PTPA: variants seen among roughly 807,000 people sequenced by gnomAD.
The protein encoded by PTPA is serine/threonine-protein phosphatase 2A activator.
In PTPA, 13 loss-of-function variants were observed where a neutral mutation model predicts 43.6. The observed-to-expected ratio is 0.30, with a 90% CI of 0.19 to 0.47. PTPA has a LOEUF of 0.47. Ranked by LOEUF, PTPA falls within the 20% of genes least tolerant of loss-of-function variation. PTPA has a pLI of 0.99. For synonymous variants in PTPA, 172 were observed against 158.2 expected, an observed-to-expected ratio of 1.09 and a Z score of -0.66; for missense variants, 329 against 411.9, an observed-to-expected ratio of 0.80 and a Z score of 1.74.
In PTPA at chr9:129,137,507, C is replaced by G. The variant is rs899475674; in HGVS notation, c.686-85C>G. 8 of 1,102,262 alleles carry G rather than the reference C, an allele frequency of 7.3e-6. No homozygotes were observed. The African/African-American group carries it at 9.3e-5, about 13-fold the overall frequency. The allele number at this position is 1,102,262 out of a possible 1,614,324, so 68.3% of individuals were successfully genotyped here. On this transcript the variant is annotated intron_variant, in intron 7 of 9. Coordinates refer to ENST00000393370, the MANE Select transcript of PTPA (RefSeq NM_178000.3). The stretch of plus-strand genomic sequence containing the variant: ...GGGCACCACGGGCAGGACTGAGGCC[C>G]CTGGGGGGGTGTGACTGCTGGGCCG...
chr9:129,111,576 C>G lies in PTPA; in HGVS notation c.-25C>G. On this transcript the variant is annotated 5_prime_UTR_variant, in exon 1 of 10. Transcript: ENST00000393370. Reference sequence around the variant, plus strand: ...AAGGCGAGAGGGGACTGCAAGCATCCGGGTCGGCTCCTGGCCGGAGCAAGA... The same window carrying G: ...AAGGCGAGAGGGGACTGCAAGCATCGGGGTCGGCTCCTGGCCGGAGCAAGA... The G allele has an allele frequency of 7.8e-7, 1 of 1,288,404 alleles. No individual in the cohort carries two copies. Among genetic ancestry groups the G allele is most frequent in the Non-Finnish European group, 9.9e-7 (1 of 1,009,486 alleles). The allele number at this position is 1,288,404 out of a possible 1,614,324, so 79.8% of individuals were successfully genotyped here. A position where few individuals can be genotyped will look rare whatever the true frequency, so the allele number is the denominator to read the frequency against.
intron 8 of PTPA, among the ~76,000 whole-genome samples, chr9:129,138,422 A>G (rs1850527175): frequency 6.6e-6 from 1 of 152,158 alleles, no homozygotes; most frequent in Non-Finnish European, 1.5e-5. Flanking sequence ...ACCTGCATCT[A>G]AACACACGTG....
At chr9:129,130,835 G>A (rs536381775) in intron 4 of PTPA, among the ~76,000 whole-genome samples, 12 of 152,130 alleles carry the variant, frequency 7.9e-5, no homozygotes, top group Non-Finnish European at 1.8e-4. Flanking sequence ...CATTCTAGCT[G>A]GAGTGCTCCC....
At chr9:129,137,895 C>T in intron 8 of PTPA, 4 of 609,990 alleles carry the variant, frequency 6.6e-6, no homozygotes, top group Non-Finnish European at 6.1e-6. Context: ...GCCCAGTTCT[C>T]CTTCAGTTTC....
intron 9 of PTPA, chr9:129,143,448 T>C (rs1851048612): frequency 1.4e-6 from 1 of 702,878 alleles, no homozygotes; most frequent in Non-Finnish European, 2.6e-6. Flanking sequence ...TGGCCGGCCT[T>C]CTCTTCTGGG....
At chr9:129,111,307 CGTTGGCGCGCATGCGCCCCGCGCGCCCCG>C, upstream of PTPA, 1 of 1,140,520 alleles carries the variant, frequency 8.8e-7, no homozygotes, top group Non-Finnish European at 1.1e-6. Flanking sequence ...GCTTGGCGGC[CGTTGGCGCGCATGCGCCCCGCGCGCCCCG>C]CACTGACATG....
chr9:129,116,287 C>G (rs1411274807), intron 1 of PTPA, among the ~76,000 whole-genome samples: 1 of 151,836 alleles, frequency 6.6e-6, no homozygotes, highest in African/African-American at 2.4e-5. Flanking sequence ...TGGGTTCACG[C>G]CATTCTCTCA....
At chr9:129,120,809 A>T (rs1196816657) in intron 2 of PTPA, among the ~76,000 whole-genome samples, 199 bp downstream of exon 2, 1 of 152,166 alleles carries the variant, frequency 6.6e-6, no homozygotes, top group Non-Finnish European at 1.5e-5. Flanking sequence ...AAGGTTGCCT[A>T]CTTTTTCAGG....
chr9:129,127,377 G>A (rs1258087318), intron 3 of PTPA, among the ~76,000 whole-genome samples: 2 of 152,160 alleles, frequency 1.3e-5, no homozygotes, highest in Non-Finnish European at 2.9e-5. Context: ...CCTCCCAGGC[G>A]CAACTTCTCA....
At chr9:129,121,370 C>T (rs745772314) in intron 2 of PTPA, among the ~76,000 whole-genome samples, 1 of 152,184 alleles carries the variant, frequency 6.6e-6, no homozygotes, top group Non-Finnish European at 1.5e-5. Context: ...GGCTTGGGGC[C>T]ATCTAAACCT....
At position 129,147,712 on chromosome 9, in the gene PTPA, G is replaced by T. The variant is rs1851393827; in HGVS notation, c.*248G>T. 4.0e-6 allele frequency: 2 copies of T among 498,440 alleles called. No individual in the cohort carries two copies. The highest frequency in any genetic ancestry group is 2.0e-5 in the African/African-American group (1 of 51,240). The allele number at this position is 498,440 out of a possible 1,614,324, so 30.9% of individuals were successfully genotyped here. ...TGTGCTAGACTGGCCAGAAGAGAGG[G>T]TCTGGGGCCTGGTCACTCGGCCACT... On this transcript the variant is annotated 3_prime_UTR_variant, in exon 10 of 10. Transcript: ENST00000393370.
chr9:129,117,974 C>T (rs568072643), intron 1 of PTPA, among the ~76,000 whole-genome samples: 72 of 152,144 alleles, frequency 4.7e-4, no homozygotes, highest in African/African-American at 1.6e-3. Context: ...TCTGGGATTA[C>T]AGGTGTGAGT....
chr9:129,112,827 A>G (rs1848629278), intron 1 of PTPA, among the ~76,000 whole-genome samples: 1 of 152,094 alleles, frequency 6.6e-6, no homozygotes. Context: ...CGTAATCCCA[A>G]CTACTAGGGA....
At chr9:129,113,144 A>G (rs981416289) in intron 1 of PTPA, among the ~76,000 whole-genome samples, 1 of 151,376 alleles carries the variant, frequency 6.6e-6, no homozygotes, top group Non-Finnish European at 1.5e-5. Flanking sequence ...CCCAGGCTGA[A>G]GTGCAGTGGC....
chr9:129,127,863 C>A, intron 3 of PTPA: 1 of 813,690 alleles, frequency 1.2e-6, no homozygotes, highest in Non-Finnish European at 1.8e-6. Context: ...GGAAATAACC[C>A]AAACATTTAA....
At chr9:129,111,313 C>T (rs1013448514), upstream of PTPA, 10 of 1,135,558 alleles carry the variant, frequency 8.8e-6, no homozygotes, top group African/African-American at 1.6e-4. Flanking sequence ...CGGCCGTTGG[C>T]GCGCATGCGC....
chr9:129,134,808 C>G lies in PTPA; in HGVS notation c.474C>G (p.Ala158=). The change falls in exon 6 of 10, where the codon GCC becomes GCG. Residue 158 remains alanine, a synonymous_variant. Transcript: ENST00000393370. ...TTTCTCCTCCAGGGCATGAGGCAGC[C>G]TTCGCTGCTTTCCTCTGCTGTCTCT... ...RIDYGTGHEA[A]FAAFLCCLCK... 6.2e-7 allele frequency: 1 copy of G among 1,613,952 alleles called. No individual in the cohort carries two copies. Among genetic ancestry groups the G allele is most frequent in the East Asian group, 2.2e-5 (1 of 44,882 alleles).
At chr9:129,111,288 G>T (rs1369013491), upstream of PTPA, 2 of 1,188,910 alleles carry the variant, frequency 1.7e-6, no homozygotes, top group Admixed American at 4.8e-5. Context: ...GGCCGTGAGC[G>T]GTCCTAGCGC....
chr9:129,117,027 C>A (rs1848921903), intron 1 of PTPA, among the ~76,000 whole-genome samples: 1 of 152,072 alleles, frequency 6.6e-6, no homozygotes, highest in Admixed American at 6.6e-5. Flanking sequence ...TAATTAATTA[C>A]ACATCATCTT....
Sources: gnomAD v4.1 joint callset for allele counts (sites outside exome capture counted in the v4.1 genomes callset) on GRCh38, gnomAD v4.1.1 for gene constraint, MANE v1.5 for transcripts, NCBI Gene and HGNC (gene_info 2026-07-23, HGNC 2026-07-21) for gene names.